GJB7: variants seen among roughly 807,000 people sequenced by gnomAD.
GJB7 encodes gap junction protein beta 7, also known as gap junction beta-7 protein.
For missense variants in GJB7, 253 were observed against 256.8 expected (o/e 0.99, Z 0.10); for synonymous variants, 87 against 95.2 (o/e 0.91, Z 0.50).
chr6:87,299,016 AGGAT>A, intron 2 of GJB7: 1 of 493,038 alleles, frequency 2.0e-6, no homozygotes. Context: ...ATTGATGTAA[AGGAT>A]AAACATAAAA....
intron 2 of GJB7, among the ~76,000 whole-genome samples, chr6:87,304,052 A>G (rs551914052): frequency 1.3e-5 from 2 of 152,348 alleles, no homozygotes; most frequent in Middle Eastern, 3.4e-3. Flanking sequence ...TTATAGCACT[A>G]AATGCCCACA....
intron 2 of GJB7, among the ~76,000 whole-genome samples, chr6:87,292,489 T>C (rs1776190794): frequency 6.6e-6 from 1 of 152,166 alleles, no homozygotes; most frequent in African/African-American, 2.4e-5. Context: ...AAGCTAATAG[T>C]ACAGCAGTAG....
At chr6:87,296,154 G>A (rs1276737438) in intron 2 of GJB7, among the ~76,000 whole-genome samples, 1 of 152,234 alleles carries the variant, frequency 6.6e-6, no homozygotes, top group Non-Finnish European at 1.5e-5. Context: ...TCAGGTGACA[G>A]ATAAATCTAG....
chr6:87,286,057 T>C (rs1776054156), intron 2 of GJB7, among the ~76,000 whole-genome samples: 1 of 152,152 alleles, frequency 6.6e-6, no homozygotes, highest in Non-Finnish European at 1.5e-5. Context: ...TTCATCTTCG[T>C]TTTTGTTGTC....
At chr6:87,309,471 TCC>T (rs1476617386) in intron 2 of GJB7, among the ~76,000 whole-genome samples, 1 of 151,982 alleles carries the variant, frequency 6.6e-6, no homozygotes, top group Non-Finnish European at 1.5e-5. Context: ...TTCAACCAGC[TCC>T]CACAATTGCA....
intron 2 of GJB7, among the ~76,000 whole-genome samples, chr6:87,321,860 AGAGT>A (rs1260609856): frequency 6.6e-6 from 1 of 152,134 alleles, no homozygotes; most frequent in East Asian, 1.9e-4. Flanking sequence ...AGAAAGAGAG[AGAGT>A]GTGAAGGGGG....
intron 2 of GJB7, chr6:87,298,859 A>T: frequency 2.6e-6 from 1 of 379,496 alleles, no homozygotes; most frequent in African/African-American, 2.1e-5. Context: ...AAAGATGTAA[A>T]ATTTGGTGCA....
intron 1 of GJB7, among the ~76,000 whole-genome samples, chr6:87,327,049 G>C (rs1776840322): frequency 6.7e-6 from 1 of 149,318 alleles, no homozygotes; most frequent in Non-Finnish European, 1.5e-5. Context: ...TTTGATCTTT[G>C]TTGGTTAAAA....
At chr6:87,294,800 C>T (rs1161972994) in intron 2 of GJB7, among the ~76,000 whole-genome samples, 1 of 152,194 alleles carries the variant, frequency 6.6e-6, no homozygotes, top group Non-Finnish European at 1.5e-5. Context: ...GGGGGAGTTA[C>T]TTATCAGAAT....
chr6:87,288,240 C>A (rs1171013717), intron 2 of GJB7, among the ~76,000 whole-genome samples: 2 of 152,004 alleles, frequency 1.3e-5, no homozygotes, highest in African/African-American at 4.8e-5. Context: ...CATTCTTATT[C>A]TTTACAATAA....
At chr6:87,295,437 G>A (rs1040236868) in intron 2 of GJB7, among the ~76,000 whole-genome samples, 13 of 152,134 alleles carry the variant, frequency 8.5e-5, no homozygotes, top group African/African-American at 3.1e-4. Context: ...TTCCTGTTCA[G>A]GGAAGAATGG....
Position 87,284,386 on chromosome 6 carries a change from T to C in GJB7, c.527A>G (p.Lys176Arg). Residue 176 changes from lysine to arginine, a missense_variant, in exon 3 of 3, where the codon AAG (lysine) becomes AGG (arginine). Transcript: ENST00000525899. ...GACCAAGAAGAGGATGAAGATCGTC[T>C]TCTCAGTGGGTTTGGAGATGAAGCA... ...VDCFISKPTE[K>R]TIFILFLVIT... The C allele has an allele frequency of 6.2e-7, 1 of 1,614,158 alleles. No homozygotes were observed.
chr6:87,291,327 T>C (rs1398539086), intron 2 of GJB7, among the ~76,000 whole-genome samples: 2 of 152,146 alleles, frequency 1.3e-5, no homozygotes, highest in Non-Finnish European at 2.9e-5. Flanking sequence ...AAAAATAATA[T>C]AAAAAACACT....
intron 2 of GJB7, among the ~76,000 whole-genome samples, chr6:87,306,666 C>T (rs2127905657): frequency 6.6e-6 from 1 of 152,110 alleles, no homozygotes; most frequent in Non-Finnish European, 1.5e-5. Flanking sequence ...CCAGCCATCC[C>T]ATTACTGGGT....
intron 2 of GJB7, among the ~76,000 whole-genome samples, chr6:87,286,012 C>G (rs147743364): frequency 7.2e-5 from 11 of 152,290 alleles, no homozygotes; most frequent in African/African-American, 2.2e-4. Context: ...CTATACCACT[C>G]TACCCTCTCT....
chr6:87,295,869 A>T lies in GJB7; in HGVS notation c.-27-10930T>A, dbSNP rs150361452. Among the ~76,000 whole-genome samples the T allele has an allele frequency of 9.5e-4, 144 of 152,310 alleles. 1 individual carries two copies. The highest frequency in any genetic ancestry group is 3.4e-3 in the African/African-American group (143 of 41,562). On this transcript the variant is annotated intron_variant, in intron 2 of 2. Coordinates refer to ENST00000525899, the MANE Select transcript of GJB7 (RefSeq NM_198568.3). Reference sequence around the variant, plus strand: ...TTCCATGTCCAAGAAATGTTTTGAGATCTTATTTTTCCTAAGAAAGAAGAA... The same window carrying T: ...TTCCATGTCCAAGAAATGTTTTGAGTTCTTATTTTTCCTAAGAAAGAAGAA...
chr6:87,315,795 CAAAAAAA>C (rs1161194601), intron 2 of GJB7, among the ~76,000 whole-genome samples: 9 of 72,372 alleles, frequency 1.2e-4, no homozygotes, highest in African/African-American at 3.0e-4. Context: ...GACTCTATCT[CAAAAAAA>C]AAAAAAAAAA....
intron 1 of GJB7, among the ~76,000 whole-genome samples, chr6:87,328,076 T>G (rs1323530569): frequency 6.6e-6 from 1 of 152,230 alleles, no homozygotes; most frequent in Non-Finnish European, 1.5e-5. Flanking sequence ...ATTCTTCACG[T>G]AGTTCTTGAG....
intron 1 of GJB7, among the ~76,000 whole-genome samples, chr6:87,324,147 T>G (rs1288932169): frequency 1.3e-5 from 2 of 152,170 alleles, no homozygotes; most frequent in African/African-American, 4.8e-5. Flanking sequence ...TAAATTTGCT[T>G]GAGTTGATTG....
Sources: gnomAD v4.1 joint callset for allele counts (sites outside exome capture counted in the v4.1 genomes callset) on GRCh38, gnomAD v4.1.1 for gene constraint, MANE v1.5 for transcripts, NCBI Gene and HGNC (gene_info 2026-07-23, HGNC 2026-07-21) for gene names.